Variants in GXYLT1 observed in about 807,000 individuals in gnomAD.
GXYLT1 encodes the protein glucoside xylosyltransferase 1.
GXYLT1 carries 29 observed loss-of-function variants against 54.0 expected under a neutral mutation model. The observed-to-expected ratio is 0.54, with a 90% CI of 0.40 to 0.73. The LOEUF (loss-of-function observed/expected upper bound fraction) is 0.73. Among genes scored for constraint, GXYLT1 ranks in the 30% least tolerant of loss-of-function variants. GXYLT1 has a pLI of 0.00. For missense variants in GXYLT1, 490 were observed against 553.4 expected (o/e 0.89, Z 1.15); for synonymous variants, 176 against 204.1 (o/e 0.86, Z 1.17).
intron 1 of GXYLT1, among the ~76,000 whole-genome samples, chr12:42,136,502 C>A (rs966598635): frequency 1.3e-5 from 2 of 152,072 alleles, no homozygotes; most frequent in African/African-American, 4.8e-5. Context: ...CACTGTGGAT[C>A]AAACTGAAAT....
intron 4 of GXYLT1, among the ~76,000 whole-genome samples, chr12:42,108,817 G>A (rs73280071): frequency 0.011 from 1,703 of 152,028 alleles, 30 homozygotes; most frequent in African/African-American, 0.038. Flanking sequence ...TATAATTTCC[G>A]GAACCTTGTG....
chr12:42,083,114 C>A lies in GXYLT1; in HGVS notation c.*4672G>T, dbSNP rs1451146024. On this transcript the variant is annotated 3_prime_UTR_variant, in exon 8 of 8. Transcript: ENST00000398675. ...ATTTGCAATCCATTTTAAACTGTTACATCTAATATGCTATTCTGTTTTTCT... is the reference window on the plus strand; with the variant it reads ...ATTTGCAATCCATTTTAAACTGTTAAATCTAATATGCTATTCTGTTTTTCT... 1 of 152,102 alleles carries A rather than the reference C, an allele frequency of 6.6e-6. No homozygotes were observed. Among genetic ancestry groups the A allele is most frequent in the Admixed American group, 6.5e-5 (1 of 15,280 alleles). The allele number at this position is 152,102 out of a possible 1,614,324, so 9.4% of individuals were successfully genotyped here.
chr12:42,132,982 T>C (rs1049076016), intron 1 of GXYLT1, among the ~76,000 whole-genome samples: 2 of 152,076 alleles, frequency 1.3e-5, no homozygotes, highest in Non-Finnish European at 2.9e-5. Flanking sequence ...ATCTGACACT[T>C]CTATTAATAA....
intron 7 of GXYLT1, among the ~76,000 whole-genome samples, chr12:42,089,066 C>T (rs2065314053): frequency 6.6e-6 from 1 of 151,816 alleles, no homozygotes; most frequent in African/African-American, 2.4e-5. Context: ...ATAAAACCAT[C>T]ACCCTTGGAG....
chr12:42,107,501 A>C (rs1476190018), intron 4 of GXYLT1, among the ~76,000 whole-genome samples: 1 of 152,130 alleles, frequency 6.6e-6, no homozygotes, highest in African/African-American at 2.4e-5. Context: ...GACCAGCCTG[A>C]CCAATACGGC....
chr12:42,144,668 T>TCGCCGCCGCCGC lies in GXYLT1; in HGVS notation c.-34_-23dup, dbSNP rs569345374. The TCGCCGCCGCCGC allele has an allele frequency of 0.045, 61,790 of 1,376,188 alleles. 1,514 individuals are homozygous for TCGCCGCCGCCGC. The highest frequency in any genetic ancestry group is 0.071 in the African/African-American group (4,634 of 65,140). 85.2% of individuals were successfully genotyped at this position (1,376,188 alleles called of 1,614,324 possible). A position where few individuals can be genotyped will look rare whatever the true frequency, so the allele number is the denominator to read the frequency against. ...GCATCGCCCCGGCCGCGCTCCTCCTTCGCCGCCGCCGCCGCGCCCGCCCCG... is the reference window on the plus strand; with the variant it reads ...GCATCGCCCCGGCCGCGCTCCTCCTTCGCCGCCGCCGCCGCCGCCGCCGCCGCGCCCGCCCCG... On this transcript the variant is annotated 5_prime_UTR_variant, in exon 1 of 8. Transcript: ENST00000398675.
chr12:42,092,260 A>G (rs2065333141), intron 7 of GXYLT1, among the ~76,000 whole-genome samples: 2 of 152,200 alleles, frequency 1.3e-5, no homozygotes, highest in Non-Finnish European at 2.9e-5. Context: ...ATTTAAACTA[A>G]AGTAGCACTC....
chr12:42,097,048 T>C (rs1185858910), intron 7 of GXYLT1, among the ~76,000 whole-genome samples: 15 of 152,082 alleles, frequency 9.9e-5, no homozygotes. Flanking sequence ...ACTGAGAAAC[T>C]GTTCTAGATC....
chr12:42,128,297 G>A (rs976280607), intron 2 of GXYLT1, among the ~76,000 whole-genome samples: 1 of 152,194 alleles, frequency 6.6e-6, no homozygotes, highest in African/African-American at 2.4e-5. Context: ...TGATAAACAT[G>A]TTAATGAGCT....
chr12:42,131,294 A>T (rs1264352158), intron 1 of GXYLT1, among the ~76,000 whole-genome samples: 2 of 152,192 alleles, frequency 1.3e-5, no homozygotes, highest in Non-Finnish European at 2.9e-5. Context: ...GTTTTCTCTC[A>T]TTATGAATTC....
At chr12:42,099,205 A>G (rs565114417) in intron 5 of GXYLT1, among the ~76,000 whole-genome samples, 9 of 152,240 alleles carry the variant, frequency 5.9e-5, no homozygotes, top group African/African-American at 1.2e-4. Context: ...CCTGCTAACA[A>G]AAGTATTTTC....
At chr12:42,095,131 T>G (rs1382887833) in intron 7 of GXYLT1, among the ~76,000 whole-genome samples, 1 of 152,176 alleles carries the variant, frequency 6.6e-6, no homozygotes, top group African/African-American at 2.4e-5. Context: ...TGACAAAATT[T>G]TAAAAGCTTG....
intron 5 of GXYLT1, among the ~76,000 whole-genome samples, chr12:42,105,331 CTA>C (rs547831585): frequency 3.6e-4 from 55 of 152,186 alleles, no homozygotes; most frequent in Non-Finnish European, 6.8e-4. Flanking sequence ...CTAACATTTA[CTA>C]TGTGTCAGCC....
intron 1 of GXYLT1, among the ~76,000 whole-genome samples, chr12:42,136,609 C>A (rs1485395872): frequency 6.6e-6 from 1 of 152,102 alleles, no homozygotes; most frequent in Non-Finnish European, 1.5e-5. Flanking sequence ...GCACAAGGTA[C>A]CTTTGCGGTG....
Position 42,087,966 on chromosome 12 carries a change from A to C in GXYLT1, c.1162-19T>G, listed in dbSNP as rs190668767. Reference sequence around the variant, plus strand: ...AAGAACACTAGAGAAAGAAAATTTTAAAAAATAAAAAATTTAAAAGGCAAA... The same window carrying C: ...AAGAACACTAGAGAAAGAAAATTTTCAAAAATAAAAAATTTAAAAGGCAAA... On this transcript the variant is annotated intron_variant, in intron 7 of 7. Coordinates refer to ENST00000398675, the MANE Select transcript of GXYLT1 (RefSeq NM_173601.2). The C allele has an allele frequency of 1.0e-5, 14 of 1,356,556 alleles. No homozygotes were observed. The highest frequency in any genetic ancestry group is 1.4e-5 in the South Asian group (1 of 70,328). 84.0% of individuals were successfully genotyped at this position (1,356,556 alleles called of 1,614,324 possible).
chr12:42,111,799 A>C (rs1415436543), intron 3 of GXYLT1, among the ~76,000 whole-genome samples: 1 of 152,242 alleles, frequency 6.6e-6, no homozygotes, highest in Non-Finnish European at 1.5e-5. Flanking sequence ...TGGTTCTCCC[A>C]GCACGCAGCT....
chr12:42,127,255 T>C (rs1482573467), intron 2 of GXYLT1, among the ~76,000 whole-genome samples: 1 of 152,218 alleles, frequency 6.6e-6, no homozygotes, highest in Non-Finnish European at 1.5e-5. Flanking sequence ...TGTATGCATA[T>C]TTGAAATAGG....
At chr12:42,144,284 A>C in intron 1 of GXYLT1, 142 bp downstream of exon 1, 15 of 417,178 alleles carry the variant, frequency 3.6e-5, no homozygotes, top group Non-Finnish European at 4.3e-5. Flanking sequence ...CCGGAGGGGA[A>C]GGAGGGAAAT....
intron 5 of GXYLT1, among the ~76,000 whole-genome samples, chr12:42,098,760 CATATATATATAT>C (rs60199719): frequency 1.4e-4 from 14 of 96,922 alleles, no homozygotes; most frequent in Admixed American, 2.3e-4. Context: ...AAATTTAAAA[CATATATATATAT>C]ATATATATAT....
Sources: allele counts gnomAD v4.1 joint callset (sites outside exome capture counted in the v4.1 genomes callset), GRCh38; gene constraint gnomAD v4.1.1; transcripts MANE v1.5; gene names NCBI Gene and HGNC (gene_info 2026-07-23, HGNC 2026-07-21).